STOM: variants seen among roughly 807,000 people sequenced by gnomAD.
STOM encodes stomatin.
STOM carries 25 observed loss-of-function variants against 30.6 expected under a neutral mutation model. That is an observed-to-expected ratio of 0.82 (90% CI 0.60 to 1.14). STOM has a LOEUF of 1.14. STOM is among the 50% of genes most tolerant of loss of function. The pLI is 0.00. For synonymous variants in STOM, 118 were observed against 130.8 expected (o/e 0.90, Z 0.67); for missense variants, 292 against 365.2 (o/e 0.80, Z 1.63).
At chr9:121,356,253 C>T in intron 1 of STOM, 97 bp from the exon 2 acceptor site, 1 of 946,740 alleles carries the variant, frequency 1.1e-6, no homozygotes, top group East Asian at 2.6e-5. Flanking sequence ...ATGTGCTTGG[C>T]ACTACACCAG....
At chr9:121,368,445 C>A (rs150864541) in intron 1 of STOM, among the ~76,000 whole-genome samples, 1 of 152,288 alleles carries the variant, frequency 6.6e-6, no homozygotes, top group East Asian at 1.9e-4. Flanking sequence ...GAAAAGACAA[C>A]TAACTATCGA....
intron 6 of STOM, among the ~76,000 whole-genome samples, chr9:121,345,404 T>C (rs111257425): frequency 1.1e-4 from 16 of 152,318 alleles, no homozygotes; most frequent in African/African-American, 3.1e-4. Flanking sequence ...AATTTGCATT[T>C]CCCCGATGGC....
At chr9:121,366,283 G>T in intron 1 of STOM, 1 of 983,768 alleles carries the variant, frequency 1.0e-6, no homozygotes, top group Non-Finnish European at 1.2e-6. Flanking sequence ...GATTAAAAAA[G>T]AATGTAGCAA....
chr9:121,352,418 A>G lies in STOM; in HGVS notation c.321+802T>C, dbSNP rs143601053. On this transcript the variant is annotated intron_variant, in intron 4 of 6. Transcript: ENST00000286713. ...ATCTCTAGATTACTTCTATTATCCAATACAATACCTACACATCACTTTATT... is the reference window on the plus strand; with the variant it reads ...ATCTCTAGATTACTTCTATTATCCAGTACAATACCTACACATCACTTTATT... 6.2e-4 allele frequency among the ~76,000 whole-genome samples: 94 copies of G among 152,294 alleles called. No homozygotes were observed. The Middle Eastern group carries it at 0.01, about 17-fold the overall frequency.
At position 121,366,025 on chromosome 9, in the gene STOM, T is replaced by C. The variant is rs1482932094; in HGVS notation, c.61+4102A>G. 20 of 744,812 alleles carry C rather than the reference T, an allele frequency of 2.7e-5. No homozygotes were observed. The South Asian group carries it at 1.2e-3, about 46-fold the overall frequency. 46.1% of individuals were successfully genotyped at this position (744,812 alleles called of 1,614,324 possible). ...CTAAATGTTCTTGGACCATCCTTCA[T>C]ACAAATCTCTTAAGTGATGGTAGGG... On this transcript the variant is annotated intron_variant, in intron 1 of 6. Coordinates refer to ENST00000286713, the MANE Select transcript of STOM (RefSeq NM_004099.6).
Position 121,340,230 on chromosome 9 carries a change from A to G in STOM, c.*972T>C. 6.1e-6 allele frequency: 6 copies of G among 985,478 alleles called. No homozygotes were observed. The highest frequency in any genetic ancestry group is 7.2e-6 in the Non-Finnish European group (6 of 829,922). The allele number at this position is 985,478 out of a possible 1,614,324, so 61.0% of individuals were successfully genotyped here. A position where few individuals can be genotyped will look rare whatever the true frequency, so the allele number is the denominator to read the frequency against. On this transcript the variant is annotated 3_prime_UTR_variant, in exon 7 of 7. Transcript: ENST00000286713. Reference sequence around the variant, plus strand: ...TCATTTACTCATAAAGAAGGCTCAAATAAGTTAAAACATGGATGTATTTTT... The same window carrying G: ...TCATTTACTCATAAAGAAGGCTCAAGTAAGTTAAAACATGGATGTATTTTT...
At chr9:121,367,586 A>G (rs2134049121) in intron 1 of STOM, among the ~76,000 whole-genome samples, 1 of 152,388 alleles carries the variant, frequency 6.6e-6, no homozygotes, top group African/African-American at 2.4e-5. Context: ...ACAGTGATAC[A>G]TTCTTTGCAA....
Position 121,356,099 on chromosome 9 carries a change from A to G in STOM, c.119T>C (p.Leu40Ser). ...GATTGGGAAAGTTATAACGGTGAAT[A>G]AGAATGAGAACGCCACCAAAATCCA... ...CGWILVAFSF[L>S]FTVITFPISI... Residue 40 changes from leucine (L) to serine (S), a missense_variant, in exon 2 of 7, where the codon TTA becomes TCA. Leu to Ser is a moderately radical substitution (Grantham distance 145). Coordinates refer to ENST00000286713, the MANE Select transcript of STOM (RefSeq NM_004099.6). 6.2e-7 allele frequency: 1 copy of G among 1,614,186 alleles called. No individual in the cohort carries two copies. Among genetic ancestry groups the G allele is most frequent in the Non-Finnish European group, 8.5e-7 (1 of 1,180,024 alleles).
intron 1 of STOM, among the ~76,000 whole-genome samples, chr9:121,366,754 T>C (rs1285405774): frequency 6.6e-6 from 1 of 152,100 alleles, no homozygotes; most frequent in Admixed American, 6.6e-5. Flanking sequence ...TACTTGATAC[T>C]GGGCTACTAC....
chr9:121,350,736 T>C (rs1200618710), intron 4 of STOM, among the ~76,000 whole-genome samples: 1 of 152,230 alleles, frequency 6.6e-6, no homozygotes, highest in Non-Finnish European at 1.5e-5. Context: ...AACATACTTG[T>C]GAATGAAGCC....
At chr9:121,348,254 T>C (rs1564628206) in intron 5 of STOM, 105 bp from the exon 6 acceptor site, 3 of 1,518,462 alleles carry the variant, frequency 2.0e-6, no homozygotes, top group Admixed American at 1.8e-5. Context: ...TGGGGAGAGT[T>C]GTGGAGAGAC....
At chr9:121,346,705 A>G (rs942606005) in intron 6 of STOM, among the ~76,000 whole-genome samples, 2 of 152,334 alleles carry the variant, frequency 1.3e-5, no homozygotes, top group East Asian at 1.9e-4. Context: ...CTGTAGTACT[A>G]CCAGGTTATC....
chr9:121,361,901 G>A (rs2064456880), intron 1 of STOM, among the ~76,000 whole-genome samples: 1 of 152,170 alleles, frequency 6.6e-6, no homozygotes, highest in South Asian at 2.1e-4. Flanking sequence ...TCAGACATTA[G>A]GTTCTCATAA....
At chr9:121,357,746 T>C (rs1456077244) in intron 1 of STOM, among the ~76,000 whole-genome samples, 5 of 152,054 alleles carry the variant, frequency 3.3e-5, no homozygotes, top group Non-Finnish European at 7.4e-5. Context: ...CCTTAAATCA[T>C]ATTTTTAAAA....
intron 1 of STOM, among the ~76,000 whole-genome samples, chr9:121,356,381 T>C (rs2064390716): frequency 1.3e-5 from 2 of 152,240 alleles, no homozygotes; most frequent in Non-Finnish European, 2.9e-5. Context: ...CATTACTTTA[T>C]TCAGCAAACA....
chr9:121,346,514 T>C lies in STOM; in HGVS notation c.660+1501A>G, dbSNP rs780573337. ...GGGCTCTGACATTCTACGTAGTATA[T>C]GTATGGTACATTCTACTATTCAATC... On this transcript the variant is annotated intron_variant, in intron 6 of 6. Transcript: ENST00000286713. Among the ~76,000 whole-genome samples, 17 of 152,356 alleles carry C rather than the reference T, an allele frequency of 1.1e-4. No individual in the cohort carries two copies. In the East Asian group the frequency reaches 3.3e-3, roughly 29 times the overall value.
chr9:121,355,903 GA>G (rs1380187970), intron 2 of STOM, 149 bp downstream of exon 2: 2 of 564,070 alleles, frequency 3.5e-6, no homozygotes, highest in East Asian at 6.5e-5. Context: ...GTGGGTAGAA[GA>G]ATAAATTTTC....
chr9:121,358,307 A>T (rs1470374189), intron 1 of STOM, among the ~76,000 whole-genome samples: 12 of 150,788 alleles, frequency 8.0e-5, no homozygotes, highest in Admixed American at 5.9e-4. Context: ...GAAACTTCTT[A>T]AAAAAAATTA....
chr9:121,362,841 G>A (rs965816907), intron 1 of STOM, among the ~76,000 whole-genome samples: 17 of 152,204 alleles, frequency 1.1e-4, no homozygotes, highest in Non-Finnish European at 1.8e-4. Context: ...TTGTTGTGTA[G>A]TAATTTTTGT....
Sources: gnomAD v4.1 joint callset for allele counts (sites outside exome capture counted in the v4.1 genomes callset) on GRCh38, gnomAD v4.1.1 for gene constraint, MANE v1.5 for transcripts, NCBI Gene and HGNC (gene_info 2026-07-23, HGNC 2026-07-21) for gene names.